IFFO1: variants seen among roughly 807,000 people sequenced by gnomAD.
The protein encoded by IFFO1 is intermediate filament family orphan 1.
A neutral mutation model predicts 59.6 loss-of-function variants in IFFO1; 42 were observed. That is an observed-to-expected ratio of 0.70 (90% CI 0.55 to 0.91). The LOEUF is 0.91. IFFO1 is among the 40% of genes least tolerant of loss of function. IFFO1 has a pLI of 0.00. For synonymous variants in IFFO1, 336 were observed against 342.8 expected, an observed-to-expected ratio of 0.98 and a Z score of 0.22; for missense variants, 711 against 793.2, an observed-to-expected ratio of 0.90 and a Z score of 1.24.
In IFFO1 at chr12:6,548,676, G is replaced by C; in HGVS notation, c.1254C>G (p.Leu418=). The change falls in exon 6 of 10, where the codon CTC becomes CTG. Residue 418 remains leucine (L), a synonymous_variant. Transcript: ENST00000619571. The surrounding 1 kb of genome is among the most constrained non-coding windows in gnomAD (Gnocchi z 6.1). ...LSINEEMQRM[L]NQLREYDFED... ...ACGGCCTGCGGACTCACAGCTGGTT[G>C]AGCATGCGCTGCATCTCCTCGTTGA... 6.2e-7 allele frequency: 1 copy of C among 1,614,118 alleles called. No homozygotes were observed. Among genetic ancestry groups the C allele is most frequent in the South Asian group, 1.1e-5 (1 of 91,086 alleles).
chr12:6,555,673 C>G lies in IFFO1; in HGVS notation c.357G>C (p.Leu119=). ...LEEGKQGRRG[L]GRRDQAVQTG... ...TCTGCACTGCCTGGTCGCGACGACCCAGGCCCCGCCGGCCCTGCTTACCCT... is the reference window on the plus strand; with the variant it reads ...TCTGCACTGCCTGGTCGCGACGACCGAGGCCCCGCCGGCCCTGCTTACCCT... Residue 119 remains leucine (L), a synonymous_variant, in exon 1 of 10, where the codon CTG becomes CTC. Transcript: ENST00000619571. The surrounding 1 kb of genome is among the most constrained non-coding windows in gnomAD (Gnocchi z 8.6). 2 of 1,606,916 alleles carry G rather than the reference C, an allele frequency of 1.2e-6. No homozygotes were observed. Among genetic ancestry groups the G allele is most frequent in the Non-Finnish European group, 1.7e-6 (2 of 1,177,614 alleles).
In IFFO1 at chr12:6,556,021, C is replaced by T. The variant is rs977323789; in HGVS notation, c.9G>A (p.Pro3=). Residue 3 remains proline, a synonymous_variant, in exon 1 of 10, where the codon CCG becomes CCA. Transcript: ENST00000619571. MN[P]LFGPNLFLLQ... Reference sequence around the variant, plus strand: ...GGAGGAAGAGGTTGGGGCCGAATAACGGATTCATGGCTGCGCCTTCTGCTG... The same window carrying T: ...GGAGGAAGAGGTTGGGGCCGAATAATGGATTCATGGCTGCGCCTTCTGCTG... 2.5e-6 allele frequency: 4 copies of T among 1,580,048 alleles called. No individual in the cohort carries two copies. The highest frequency in any genetic ancestry group is 3.4e-6 in the Non-Finnish European group (4 of 1,171,220).
At chr12:6,551,108 G>C (rs1947214374) in intron 1 of IFFO1, 107 bp from the exon 2 acceptor site, 7 of 1,140,528 alleles carry the variant, frequency 6.1e-6, no homozygotes, top group African/African-American at 1.5e-5. Flanking sequence ...CCCAGTTCTG[G>C]TTCCCTGGAT....
chr12:6,550,807 C>T lies in IFFO1; in HGVS notation c.835-17G>A. The T allele has an allele frequency of 6.2e-7, 1 of 1,612,744 alleles. No homozygotes were observed. Among genetic ancestry groups the T allele is most frequent in the Non-Finnish European group, 8.5e-7 (1 of 1,178,864 alleles). On this transcript the variant is annotated splice_polypyrimidine_tract_variant and intron_variant, in intron 2 of 9. Transcript: ENST00000619571. ...CTGGGCTTCCTGCAGTTGGGAGAAA[C>T]CCTGATGTTGGTGGCACTGCCGAGG...
intron 1 of IFFO1, among the ~76,000 whole-genome samples, chr12:6,553,435 G>A (rs1325900466): frequency 1.3e-5 from 2 of 152,186 alleles, no homozygotes; most frequent in South Asian, 2.1e-4. Context: ...TCCTGCAGGG[G>A]CAGAGCAGGC....
chr12:6,541,793 G>C lies in IFFO1; in HGVS notation c.1480-151C>G. On this transcript the variant is annotated intron_variant, in intron 8 of 9. Transcript: ENST00000619571. This position sits in a 1 kb window ranked among gnomAD's most constrained non-coding sequence, Gnocchi z 4.8. ...AAGGCTCAGATTTTAAAATAAACCAGACCAAGGCAGAAGGCAGCGAATACA... is the reference window on the plus strand; with the variant it reads ...AAGGCTCAGATTTTAAAATAAACCACACCAAGGCAGAAGGCAGCGAATACA... 1.1e-6 allele frequency: 1 copy of C among 875,542 alleles called. No individual in the cohort carries two copies. The highest frequency in any genetic ancestry group is 1.8e-6 in the Non-Finnish European group (1 of 567,516). The allele number at this position is 875,542 out of a possible 1,614,324, so 54.2% of individuals were successfully genotyped here. A position where few individuals can be genotyped will look rare whatever the true frequency, so the allele number is the denominator to read the frequency against.
chr12:6,548,162 T>C lies in IFFO1; in HGVS notation c.1384-2A>G. On this transcript the variant is annotated splice_acceptor_variant, in intron 7 of 9. Transcript: ENST00000619571. LOFTEE classifies it high-confidence loss of function. The surrounding 1 kb of genome is among the most constrained non-coding windows in gnomAD (Gnocchi z 6.1). The stretch of plus-strand genomic sequence containing the variant: ...CTTCTCCAGGCTATCTTCCTGCTGC[T>C]GGAGTAGAAAGGGAAGCGGGGGAGG... 6.2e-7 allele frequency: 1 copy of C among 1,613,244 alleles called. No individual in the cohort carries two copies. The highest frequency in any genetic ancestry group is 1.1e-5 in the South Asian group (1 of 91,056).
At chr12:6,552,466 A>G (rs148270446) in intron 1 of IFFO1, among the ~76,000 whole-genome samples, 45 of 152,240 alleles carry the variant, frequency 3.0e-4, no homozygotes, top group African/African-American at 1.1e-3. Flanking sequence ...CAGTCAGGCC[A>G]CTAAGGGAAC....
intron 1 of IFFO1, 81 bp from the exon 2 acceptor site, chr12:6,551,082 G>A: frequency 5.6e-6 from 8 of 1,416,286 alleles, no homozygotes; most frequent in Non-Finnish European, 7.9e-6. Flanking sequence ...CCACCTCTCT[G>A]GCTCAGGCCT....
intron 8 of IFFO1, among the ~76,000 whole-genome samples, chr12:6,542,330 G>A (rs7296476): frequency 0.22 from 33,418 of 152,072 alleles, 3,878 homozygotes; most frequent in Admixed American, 0.26. Flanking sequence ...AAAGAAATCC[G>A]GTCTCCCTCC....
chr12:6,549,142 A>C lies in IFFO1; in HGVS notation c.1081-293T>G, dbSNP rs1278455453. ...GCAGTCAGATGTGCATGATGGCTCA[A>C]GAGGAAATTTTTTTCTAAAAAAAGT... is the stretch of plus-strand genomic sequence containing the variant. On this transcript the variant is annotated intron_variant, in intron 5 of 9. Coordinates refer to ENST00000619571, the MANE Select transcript of IFFO1 (RefSeq NM_001193457.2). This position sits in a 1 kb window ranked among gnomAD's most constrained non-coding sequence, Gnocchi z 5.0. 3 of 513,956 alleles carry C rather than the reference A, an allele frequency of 5.8e-6. No individual in the cohort carries two copies. Among genetic ancestry groups the C allele is most frequent in the African/African-American group, 3.9e-5 (2 of 50,938 alleles). 31.8% of individuals were successfully genotyped at this position (513,956 alleles called of 1,614,324 possible).
At chr12:6,547,132 C>G (rs933495831) in intron 8 of IFFO1, among the ~76,000 whole-genome samples, 4 of 152,122 alleles carry the variant, frequency 2.6e-5, no homozygotes, top group African/African-American at 9.7e-5. Context: ...TAAAAAGGCC[C>G]GGCACAGTGG....
Position 6,540,312 on chromosome 12 carries a change from A to G in IFFO1, c.*171T>C. ...CCAAGCCTAGCTCCAGACACCCCAG[A>G]GCCCTGGAGAAGCCAAGACTGAGGG... On this transcript the variant is annotated 3_prime_UTR_variant, in exon 10 of 10. Coordinates refer to ENST00000619571, the MANE Select transcript of IFFO1 (RefSeq NM_001193457.2). 1.6e-6 allele frequency: 1 copy of G among 637,408 alleles called. No homozygotes were observed. 39.5% of individuals were successfully genotyped at this position (637,408 alleles called of 1,614,324 possible). A position where few individuals can be genotyped will look rare whatever the true frequency, so the allele number is the denominator to read the frequency against.
rs773097008 is a variant in IFFO1 at position 6,548,449 on chromosome 12, C to T, written c.1359G>A (p.Met453Ile). 6.2e-7 allele frequency: 1 copy of T among 1,613,658 alleles called. No homozygotes were observed. The highest frequency in any genetic ancestry group is 8.5e-7 in the Non-Finnish European group (1 of 1,179,710). The change falls in exon 7 of 10, where the codon ATG becomes ATA. Residue 453 changes from methionine to isoleucine, a missense_variant. Physicochemically the swap from Met to Ile is conservative, Grantham distance 10 (BLOSUM62 1). Transcript: ENST00000619571. This position sits in a 1 kb window ranked among gnomAD's most constrained non-coding sequence, Gnocchi z 6.1. ...CCTCTCCCTGGGCCTCTGCAGCTGC[C>T]ATGGCATAGCCTGAGAAATCCTCCC... is the stretch of plus-strand genomic sequence containing the variant. ...LLWEDFSGYA[M>I]AAAEAQGEQQ... is the part of the protein sequence containing the mutation.
intron 1 of IFFO1, among the ~76,000 whole-genome samples, chr12:6,553,550 C>G (rs1947323773): frequency 6.6e-6 from 1 of 151,710 alleles, no homozygotes; most frequent in Non-Finnish European, 1.5e-5. Flanking sequence ...GACTCAAGCT[C>G]AGAAAGCCTG....
intron 1 of IFFO1, among the ~76,000 whole-genome samples, chr12:6,552,582 G>A (rs1157360948): frequency 4.6e-5 from 7 of 152,120 alleles, no homozygotes; most frequent in Non-Finnish European, 8.8e-5. Context: ...CTCATGCGCC[G>A]GGAGCCCACG....
chr12:6,552,995 T>C (rs1037705417), intron 1 of IFFO1, among the ~76,000 whole-genome samples: 8 of 152,098 alleles, frequency 5.3e-5, no homozygotes, highest in African/African-American at 9.7e-5. Flanking sequence ...ACCATTCCTA[T>C]GTTGGGAAAA....
In IFFO1 at chr12:6,555,449, C is replaced by T; in HGVS notation, c.581G>A (p.Gly194Asp). The T allele has an allele frequency of 6.2e-7, 1 of 1,613,770 alleles. No individual in the cohort carries two copies. Among genetic ancestry groups the T allele is most frequent in the South Asian group, 1.1e-5 (1 of 91,058 alleles). The change falls in exon 1 of 10, where the codon GGC becomes GAC. Residue 194 changes from glycine to aspartate, a missense_variant. Gly to Asp is a moderately conservative substitution (Grantham distance 94). This residue lies in a region of IFFO1 where 579 missense variants were observed against 650.3 expected (regional missense o/e 0.89). Transcript: ENST00000619571. The surrounding 1 kb of genome is among the most constrained non-coding windows in gnomAD (Gnocchi z 8.6). ...TYSSSARFMP[G>D]TIWSFSHARR... ...GGCGTGCGAGAACGACCAGATGGTG[C>T]CGGGCATGAAGCGGGCCGACGAGGA...
chr12:6,540,162 T>C lies in IFFO1; in HGVS notation c.*321A>G, dbSNP rs1376244563. 6.7e-6 allele frequency: 3 copies of C among 447,450 alleles called. No homozygotes were observed. The highest frequency in any genetic ancestry group is 6.0e-5 in the African/African-American group (3 of 49,798). 27.7% of individuals were successfully genotyped at this position (447,450 alleles called of 1,614,324 possible). ...AAAGGTCCCACATTCACATTCCTGA[T>C]ACGTGGACAAGGTGAGGGGCCGCAA... On this transcript the variant is annotated 3_prime_UTR_variant, in exon 10 of 10. Transcript: ENST00000619571.
Sources: allele counts gnomAD v4.1 joint callset (sites outside exome capture counted in the v4.1 genomes callset), GRCh38; gene constraint gnomAD v4.1.1; regional missense constraint gnomAD v4.1.1; non-coding constraint Gnocchi (gnomAD v3.1); transcripts MANE v1.5; gene names NCBI Gene and HGNC (gene_info 2026-07-23, HGNC 2026-07-21).